The following MS4A6E variants were observed in gnomAD, a reference collection of about 807,000 sequenced individuals.
MS4A6E encodes membrane spanning 4-domains A6E, also known as membrane-spanning 4-domains subfamily A member 6E.
A neutral mutation model predicts 13.2 loss-of-function variants in MS4A6E; 8 were observed. That is an observed-to-expected ratio of 0.60 (90% confidence interval 0.35 to 1.09). The LOEUF (loss-of-function observed/expected upper bound fraction) is 1.09, where lower values mean the gene tolerates loss of function less well. MS4A6E is among the 50% of genes least tolerant of loss of function. The probability of loss-of-function intolerance (pLI) is 0.02; values close to 1 mark genes in which losing one functional copy is unlikely to be tolerated. For synonymous variants in MS4A6E, 72 were observed against 67.6 expected (o/e 1.06, Z -0.32); for missense variants, 177 against 171.1 (o/e 1.03, Z -0.19).
At chr11:60,342,044 C>A (rs147761901), downstream of MS4A6E, among the ~76,000 whole-genome samples, 2 of 152,078 alleles carry the variant, frequency 1.3e-5, no homozygotes, top group Admixed American at 6.5e-5. Flanking sequence ...TTAGGGATTT[C>A]GCTAACTGTT....
At position 60,336,484 on chromosome 11, in the gene MS4A6E, C is replaced by T. The variant is rs558285219; in HGVS notation, c.148-1257C>T. Among the ~76,000 whole-genome samples, 23 of 152,206 alleles carry T rather than the reference C, an allele frequency of 1.5e-4. No individual in the cohort carries two copies. In the South Asian group the frequency reaches 4.6e-3, roughly 30 times the overall value. ...AGCTCAAGGATGCAGGATGTGGTCT[C>T]GGGGTGGGCTCAGACTCACCAGAGA... On this transcript the variant is annotated intron_variant, in intron 2 of 4. Coordinates refer to ENST00000684409, the MANE Select transcript of MS4A6E (RefSeq NM_139249.4).
At chr11:60,336,436 A>G (rs1010839221) in intron 2 of MS4A6E, among the ~76,000 whole-genome samples, 1 of 152,182 alleles carries the variant, frequency 6.6e-6, no homozygotes, top group African/African-American at 2.4e-5. Context: ...TCCAGAGAAC[A>G]ATCCCACAGT....
intron 2 of MS4A6E, chr11:60,335,427 C>T (rs1259323385): frequency 2.7e-6 from 1 of 372,998 alleles, no homozygotes; most frequent in Non-Finnish European, 5.2e-6. Context: ...TCCCTTACTG[C>T]AAATTACAGA....
chr11:60,328,857 A>T (rs1469488384), intron 1 of MS4A6E, among the ~76,000 whole-genome samples: 1 of 152,192 alleles, frequency 6.6e-6, no homozygotes, highest in Non-Finnish European at 1.5e-5. Context: ...CTAGAGTTCT[A>T]ATGTACAGTA....
At chr11:60,346,928 T>A (rs754513254) in intron 4 of MS4A6E, among the ~76,000 whole-genome samples, 1 of 152,136 alleles carries the variant, frequency 6.6e-6, no homozygotes, top group South Asian at 2.1e-4. Flanking sequence ...AACACCTGAG[T>A]TAAAGTTCGG....
chr11:60,327,898 T>C (rs917419132), intron 1 of MS4A6E, among the ~76,000 whole-genome samples: 2 of 151,798 alleles, frequency 1.3e-5, no homozygotes, highest in Non-Finnish European at 2.9e-5. Flanking sequence ...GTCATGGTGG[T>C]GCACACCTAT....
chr11:60,346,452 G>A (rs1244578159), intron 4 of MS4A6E, among the ~76,000 whole-genome samples: 1 of 152,128 alleles, frequency 6.6e-6, no homozygotes, highest in Admixed American at 6.5e-5. Context: ...CTTAATGTTG[G>A]GAACTGCCTG....
chr11:60,348,047 A>G (rs2085263643), intron 4 of MS4A6E, among the ~76,000 whole-genome samples: 2 of 152,208 alleles, frequency 1.3e-5, no homozygotes, highest in Admixed American at 6.5e-5. Context: ...TTTAAGTACC[A>G]TTCTAACTAA....
rs2085219142 is a variant in MS4A6E, at chr11:60,340,789, C to T, written c.*23C>T. 1 of 204,686 alleles carries T rather than the reference C, an allele frequency of 4.9e-6. No individual in the cohort carries two copies. Among genetic ancestry groups the T allele is most frequent in the Non-Finnish European group, 1.1e-5 (1 of 94,218 alleles). 12.7% of individuals were successfully genotyped at this position (204,686 alleles called of 1,614,324 possible). A position where few individuals can be genotyped will look rare whatever the true frequency, so the allele number is the denominator to read the frequency against. On this transcript the variant is annotated 3_prime_UTR_variant, in exon 5 of 5. Coordinates refer to ENST00000684409, the MANE Select transcript of MS4A6E (RefSeq NM_139249.4). ...CCTGCCTCACAGTTACTCATGTCCT[C>T]AAAGACGACTCATGATGCTGGATAT...
chr11:60,342,171 GTGTGTGTGAGAGAGAGAGAGA>G (rs2085229826), downstream of MS4A6E, among the ~76,000 whole-genome samples: 4 of 33,168 alleles, frequency 1.2e-4, no homozygotes, highest in African/African-American at 3.3e-4. Context: ...GTGTGTGTGT[GTGTGTGTGAGAGAGAGAGAGA>G]GAGAGAGAGG....
chr11:60,338,173 AACTT>A (rs904111752), intron 3 of MS4A6E, among the ~76,000 whole-genome samples: 1 of 152,194 alleles, frequency 6.6e-6, no homozygotes, highest in African/African-American at 2.4e-5. Context: ...GAAAAACTAA[AACTT>A]ACGGTTTGTA....
intron 4 of MS4A6E, among the ~76,000 whole-genome samples, chr11:60,348,611 C>CT (rs2135070329): frequency 6.6e-6 from 1 of 152,310 alleles, no homozygotes; most frequent in East Asian, 1.9e-4. Context: ...CAATCAGAGG[C>CT]TGGGGTCAGT....
rs374262920 is a variant in MS4A6E at position 60,339,894 on chromosome 11, C to T, written c.383C>T (p.Thr128Ile). 5.0e-6 allele frequency: 8 copies of T among 1,613,682 alleles called. No homozygotes were observed. Among genetic ancestry groups the T allele is most frequent in the Admixed American group, 1.7e-5 (1 of 60,002 alleles). ...AGTLSLMLVSTVLEFCLAVLT... is the reference protein window; with the variant it reads ...AGTLSLMLVSIVLEFCLAVLT... Reference sequence around the variant, plus strand: ...ACTCTGTCTCTGATGCTGGTTTCTACTGTGTTGGAGTTCTGCCTAGCTGTG... The same window carrying T: ...ACTCTGTCTCTGATGCTGGTTTCTATTGTGTTGGAGTTCTGCCTAGCTGTG... Residue 128 changes from threonine to isoleucine, a missense_variant, in exon 4 of 5, where the codon ACT (threonine) becomes ATT (isoleucine). By Grantham distance (89) the Thr-to-Ile change is moderately conservative. Coordinates refer to ENST00000684409, the MANE Select transcript of MS4A6E (RefSeq NM_139249.4).
chr11:60,341,021 T>C lies in MS4A6E; in HGVS notation c.*255T>C, dbSNP rs538032242. 1.3e-5 allele frequency: 2 copies of C among 152,380 alleles called. No homozygotes were observed. Among genetic ancestry groups the C allele is most frequent in the South Asian group, 2.1e-4 (1 of 4,826 alleles). 9.4% of individuals were successfully genotyped at this position (152,380 alleles called of 1,614,324 possible). A position where few individuals can be genotyped will look rare whatever the true frequency, so the allele number is the denominator to read the frequency against. Reference sequence around the variant, plus strand: ...ATTGGGGATCTCTTGGTTTGCCTGATACTGACTTCAGCAAAAGCACAGGGC... The same window carrying C: ...ATTGGGGATCTCTTGGTTTGCCTGACACTGACTTCAGCAAAAGCACAGGGC... On this transcript the variant is annotated 3_prime_UTR_variant, in exon 5 of 5. Coordinates refer to ENST00000684409, the MANE Select transcript of MS4A6E (RefSeq NM_139249.4).
chr11:60,330,707 A>G (rs1450011003), intron 1 of MS4A6E, among the ~76,000 whole-genome samples: 1 of 152,108 alleles, frequency 6.6e-6, no homozygotes, highest in Non-Finnish European at 1.5e-5. Flanking sequence ...TATGTCCTGA[A>G]TGGTATTGCC....
chr11:60,336,578 T>C (rs746261990), intron 2 of MS4A6E, among the ~76,000 whole-genome samples: 1 of 151,952 alleles, frequency 6.6e-6, no homozygotes, highest in African/African-American at 2.4e-5. Flanking sequence ...TGAAGAAGAG[T>C]GCCATCTCAA....
At chr11:60,328,000 A>AGC (rs2085130539) in intron 1 of MS4A6E, among the ~76,000 whole-genome samples, 1 of 136,830 alleles carries the variant, frequency 7.3e-6, no homozygotes, top group Non-Finnish European at 1.5e-5. Flanking sequence ...ACTACACTCC[A>AGC]GCCTGGGTGA....
chr11:60,343,758 A>T (rs1476487329), downstream of MS4A6E, among the ~76,000 whole-genome samples: 1 of 152,118 alleles, frequency 6.6e-6, no homozygotes, highest in Non-Finnish European at 1.5e-5. Flanking sequence ...ATCTTTTATG[A>T]TTTTCAGCTT....
At chr11:60,331,872 C>A (rs541052574) in intron 1 of MS4A6E, among the ~76,000 whole-genome samples, 34 of 152,290 alleles carry the variant, frequency 2.2e-4, no homozygotes, top group African/African-American at 8.2e-4. Flanking sequence ...AGCTCTCTTG[C>A]TCCTTTCGAC....
Sources: gnomAD v4.1 joint callset for allele counts (sites outside exome capture counted in the v4.1 genomes callset) on GRCh38, gnomAD v4.1.1 for gene constraint, MANE v1.5 for transcripts, NCBI Gene and HGNC (gene_info 2026-07-23, HGNC 2026-07-21) for gene names.